RGS6: variants seen among roughly 807,000 people sequenced by gnomAD.
RGS6 encodes the protein regulator of G-protein signaling 6.
In RGS6, 30 loss-of-function variants were observed where a neutral mutation model predicts 78.5. The ratio of observed to expected loss-of-function variants is 0.38; its 90% confidence interval spans 0.29 to 0.52. The LOEUF (loss-of-function observed/expected upper bound fraction) is 0.52, where lower values mean the gene tolerates loss of function less well. Among genes scored for constraint, RGS6 ranks in the 20% least tolerant of loss-of-function variants. RGS6 has a pLI of 0.85. For missense variants in RGS6, 495 were observed against 609.7 expected (o/e 0.81, Z 1.98); for synonymous variants, 206 against 206.0 (o/e 1.00, Z 0.00).
intron 2 of RGS6, among the ~76,000 whole-genome samples, chr14:72,003,382 G>A (rs1178868528): frequency 1.3e-5 from 2 of 152,106 alleles, no homozygotes; most frequent in African/African-American, 4.8e-5. Context: ...CTTAATGTAC[G>A]GTTCGGTGGC....
chr14:72,489,143 G>A (rs2096539347), intron 12 of RGS6, among the ~76,000 whole-genome samples: 1 of 144,272 alleles, frequency 6.9e-6, no homozygotes, highest in Admixed American at 7.2e-5. Context: ...GATGTCCTGG[G>A]AGGACAAAGG....
At chr14:72,288,911 T>A (rs767061920) in intron 2 of RGS6, among the ~76,000 whole-genome samples, 1 of 152,158 alleles carries the variant, frequency 6.6e-6, no homozygotes, top group Non-Finnish European at 1.5e-5. Flanking sequence ...TTCTAAGACT[T>A]AGGTAAGGTT....
chr14:72,179,275 G>C (rs2097143974), intron 2 of RGS6, among the ~76,000 whole-genome samples: 1 of 152,190 alleles, frequency 6.6e-6, no homozygotes, highest in Non-Finnish European at 1.5e-5. Flanking sequence ...CCTGCCCCAG[G>C]TGGGATGGGG....
chr14:72,003,452 A>G (rs1379276711), intron 2 of RGS6, among the ~76,000 whole-genome samples: 2 of 152,174 alleles, frequency 1.3e-5, no homozygotes, highest in Non-Finnish European at 2.9e-5. Flanking sequence ...AAACTTTTTC[A>G]TCATCCCAAA....
chr14:72,163,906 T>C (rs1023651207), intron 2 of RGS6, among the ~76,000 whole-genome samples: 1 of 149,662 alleles, frequency 6.7e-6, no homozygotes, highest in East Asian at 2.0e-4. Flanking sequence ...AAAATGCAGT[T>C]GTGGAAGCTT....
chr14:72,187,239 A>T (rs142863959), intron 2 of RGS6, among the ~76,000 whole-genome samples: 1 of 152,370 alleles, frequency 6.6e-6, no homozygotes, highest in East Asian at 1.9e-4. Flanking sequence ...GATATTGCTG[A>T]ATATGTCTTG....
chr14:72,395,029 ATTAT>A (rs869224269), intron 3 of RGS6, among the ~76,000 whole-genome samples: 1 of 152,036 alleles, frequency 6.6e-6, no homozygotes, highest in African/African-American at 2.4e-5. Context: ...TGCAACAATA[ATTAT>A]TTATTTTAAA....
At chr14:72,381,245 A>C (rs961689282) in intron 3 of RGS6, among the ~76,000 whole-genome samples, 2 of 152,080 alleles carry the variant, frequency 1.3e-5, no homozygotes, top group Non-Finnish European at 2.9e-5. Context: ...AGCACTGTAG[A>C]ATAACTCTAA....
chr14:72,093,372 AG>A (rs2095326735), intron 2 of RGS6, among the ~76,000 whole-genome samples: 1 of 152,070 alleles, frequency 6.6e-6, no homozygotes, highest in South Asian at 2.1e-4. Flanking sequence ...CCTCTTGAGT[AG>A]CTGGGACTAA....
At chr14:72,286,145 G>A (rs1057135658) in intron 2 of RGS6, among the ~76,000 whole-genome samples, 1 of 152,118 alleles carries the variant, frequency 6.6e-6, no homozygotes, top group Non-Finnish European at 1.5e-5. Context: ...ATAGTTTCAG[G>A]TCTTACATTT....
Position 72,563,033 on chromosome 14 carries a change from C to A in RGS6, c.*566C>A. 1 of 518,940 alleles carries A rather than the reference C, an allele frequency of 1.9e-6. No homozygotes were observed. The highest frequency in any genetic ancestry group is 2.3e-5 in the South Asian group (1 of 44,430). The allele number at this position is 518,940 out of a possible 1,614,324, so 32.1% of individuals were successfully genotyped here. A position where few individuals can be genotyped will look rare whatever the true frequency, so the allele number is the denominator to read the frequency against. On this transcript the variant is annotated 3_prime_UTR_variant, in exon 18 of 18. Transcript: ENST00000553525. ...CAGGCACTGCTTTCACGTAAAATGT[C>A]CAAATCACATCTTCAGCAAGAAAGC...
chr14:72,133,683 T>C (rs1460906977), intron 2 of RGS6, among the ~76,000 whole-genome samples: 2 of 152,078 alleles, frequency 1.3e-5, no homozygotes, highest in African/African-American at 2.4e-5. Context: ...ATTGGATGGA[T>C]ATAATTGTGA....
intron 3 of RGS6, among the ~76,000 whole-genome samples, chr14:72,364,502 C>CCCATCACAAACCAGCAGATA (rs2082101395): frequency 6.6e-6 from 1 of 152,194 alleles, no homozygotes; most frequent in Non-Finnish European, 1.5e-5. Context: ...TAGCCAGTTT[C>CCCATCACAAACCAGCAGATA]CCATCACAAA....
At chr14:72,610,302 G>A in the RGS6 span, among the ~76,000 whole-genome samples, 50 of 152,274 alleles carry the variant, frequency 3.3e-4, no homozygotes, top group African/African-American at 1.1e-3. Context: ...GAGCTTCCTC[G>A]TGGAGCAGCA....
At chr14:71,997,617 C>T (rs554910171) in intron 2 of RGS6, among the ~76,000 whole-genome samples, 2 of 152,262 alleles carry the variant, frequency 1.3e-5, no homozygotes, top group African/African-American at 4.8e-5. Context: ...TGAGATTTTT[C>T]AGGCAGCAAG....
chr14:72,184,155 T>C (rs979131017), intron 2 of RGS6, among the ~76,000 whole-genome samples: 6 of 152,268 alleles, frequency 3.9e-5, no homozygotes, highest in Admixed American at 3.9e-4. Flanking sequence ...TCCCAGATGT[T>C]ATTTCTCCTT....
At chr14:72,122,614 G>A (rs1286826669) in intron 2 of RGS6, among the ~76,000 whole-genome samples, 1 of 152,046 alleles carries the variant, frequency 6.6e-6, no homozygotes, top group Non-Finnish European at 1.5e-5. Context: ...GGTTCTCTAG[G>A]AATTTTGGTC....
intron 13 of RGS6, among the ~76,000 whole-genome samples, chr14:72,500,764 TGA>T (rs1285898393): frequency 8.5e-5 from 13 of 152,168 alleles, no homozygotes; most frequent in African/African-American, 3.1e-4. Flanking sequence ...TCTCTGTTCC[TGA>T]GAGGGGAGAA....
intron 3 of RGS6, among the ~76,000 whole-genome samples, chr14:72,425,384 C>T (rs1463487115): frequency 6.6e-6 from 1 of 152,154 alleles, no homozygotes; most frequent in Non-Finnish European, 1.5e-5. Context: ...AATGACCCAC[C>T]CACCTCAGCC....
Sources: allele counts gnomAD v4.1 joint callset (sites outside exome capture counted in the v4.1 genomes callset), GRCh38; gene constraint gnomAD v4.1.1; transcripts MANE v1.5; gene names NCBI Gene and HGNC (gene_info 2026-07-23, HGNC 2026-07-21).